The following ORC3 variants were observed in gnomAD, a reference collection of about 807,000 sequenced individuals.
ORC3 encodes the protein origin recognition complex subunit 3.
In ORC3, 78 loss-of-function variants were observed where a neutral mutation model predicts 100.7. That is an observed-to-expected ratio of 0.77 (90% CI 0.65 to 0.94). ORC3 has a LOEUF of 0.94. ORC3 is among the 40% of genes least tolerant of loss of function. The pLI, the probability that ORC3 is intolerant of heterozygous loss-of-function variation, is 0.00. For missense variants in ORC3, 789 were observed against 823.9 expected (o/e 0.96, Z 0.52); for synonymous variants, 295 against 289.3 (o/e 1.02, Z -0.20).
chr6:87,636,303 T>C (rs1767822488), intron 12 of ORC3, 104 bp from the exon 13 acceptor site: 2 of 701,226 alleles, frequency 2.9e-6, no homozygotes, highest in Non-Finnish European at 2.5e-6. Context: ...AGAAAATGAC[T>C]TTTAATAACA....
At chr6:87,620,224 C>T (rs13213285) in intron 9 of ORC3, among the ~76,000 whole-genome samples, 9,786 of 152,090 alleles carry the variant, frequency 0.064, 411 homozygotes, top group African/African-American at 0.12. Context: ...TTCTCATGTC[C>T]GAAAAGTACT....
chr6:87,626,044 T>C (rs548145724), intron 11 of ORC3, among the ~76,000 whole-genome samples: 1 of 152,340 alleles, frequency 6.6e-6, no homozygotes, highest in South Asian at 2.1e-4. Context: ...CATTGGTCCA[T>C]ATCTCTGTTT....
chr6:87,630,850 G>A (rs58305152), intron 11 of ORC3, among the ~76,000 whole-genome samples: 37,724 of 151,930 alleles, frequency 0.25, 5,223 homozygotes, highest in Admixed American at 0.37. Flanking sequence ...AGAAGAGCAA[G>A]GAGGCTGTTA....
chr6:87,619,643 T>C (rs952212364), intron 9 of ORC3, among the ~76,000 whole-genome samples: 2 of 152,108 alleles, frequency 1.3e-5, no homozygotes, highest in African/African-American at 4.8e-5. Flanking sequence ...TGACCTCCGG[T>C]GATCCACCCA....
At chr6:87,632,498 A>G (rs1327770647) in intron 11 of ORC3, among the ~76,000 whole-genome samples, 2 of 152,130 alleles carry the variant, frequency 1.3e-5, no homozygotes, top group South Asian at 2.1e-4. Context: ...ACCAACCACC[A>G]TTTCCTCAGT....
In ORC3 at chr6:87,628,835, CAG is replaced by C. The variant is rs562298045; in HGVS notation, c.1186-6009_1186-6008del. Among the ~76,000 whole-genome samples the C allele has an allele frequency of 2.6e-3, 393 of 152,062 alleles. 1 individual carries two copies. The highest frequency in any genetic ancestry group is 8.8e-3 in the African/African-American group (364 of 41,454). ...TCTTTTGTCAGACCTACAGGGCAGA[CAG>C]GGGGAAGAAAATTTCTTAGAAAAAA... is the stretch of plus-strand genomic sequence containing the variant. On this transcript the variant is annotated intron_variant, in intron 11 of 19. Coordinates refer to ENST00000392844, the MANE Select transcript of ORC3 (RefSeq NM_012381.4).
chr6:87,672,392 G>C (rs115260921), downstream of ORC3, among the ~76,000 whole-genome samples: 1,567 of 152,286 alleles, frequency 0.01, 31 homozygotes, highest in African/African-American at 0.036. Context: ...ATGCAGTAGA[G>C]AGAGGAGAGG....
intron 4 of ORC3, 97 bp from the exon 5 acceptor site, chr6:87,605,820 A>G: frequency 1.5e-6 from 1 of 655,430 alleles, no homozygotes; most frequent in South Asian, 2.0e-5. Context: ...TCATTTTTTA[A>G]ATGTTTTTAC....
chr6:87,631,115 C>G (rs1379551818), intron 11 of ORC3, among the ~76,000 whole-genome samples: 1 of 151,408 alleles, frequency 6.6e-6, no homozygotes, highest in African/African-American at 2.4e-5. Context: ...TCTTGAACCC[C>G]TGGGCTCAAG....
chr6:87,657,121 T>G, intron 15 of ORC3, 139 bp downstream of exon 15: 1 of 616,846 alleles, frequency 1.6e-6, no homozygotes, highest in Non-Finnish European at 2.9e-6. Flanking sequence ...TTTAACTCAC[T>G]TCTAAGTTGA....
intron 14 of ORC3, among the ~76,000 whole-genome samples, chr6:87,654,884 TATGCTAGAGCTAAATAAAGGA>T (rs1329293095): frequency 6.6e-6 from 1 of 152,206 alleles, no homozygotes; most frequent in Non-Finnish European, 1.5e-5. Flanking sequence ...AATTCTGTGA[TATGCTAGAGCTAAATAAAGGA>T]ATGCAGCTTT....
At chr6:87,612,316 T>C (rs1287273784) in intron 8 of ORC3, 68 bp downstream of exon 8, 1 of 1,056,064 alleles carries the variant, frequency 9.5e-7, no homozygotes, top group African/African-American at 1.6e-5. Flanking sequence ...ATTGTTAAGA[T>C]AACTGTTAAC....
At chr6:87,607,962 T>C (rs1306845585) in intron 6 of ORC3, 138 bp downstream of exon 6, 6 of 513,250 alleles carry the variant, frequency 1.2e-5, no homozygotes, top group African/African-American at 4.0e-5. Context: ...AGTAGGTATT[T>C]ATTTTTTCTA....
intron 5 of ORC3, among the ~76,000 whole-genome samples, chr6:87,607,184 A>C (rs914963089): frequency 1.3e-5 from 2 of 152,290 alleles, no homozygotes; most frequent in Admixed American, 1.3e-4. Context: ...TAATCCCAGC[A>C]CTTTGGGAGG....
At chr6:87,619,216 A>G (rs967473368) in intron 9 of ORC3, among the ~76,000 whole-genome samples, 1 of 152,238 alleles carries the variant, frequency 6.6e-6, no homozygotes, top group South Asian at 2.1e-4. Context: ...GATTCAGGAA[A>G]TAGAAACTGT....
intron 15 of ORC3, 171 bp downstream of exon 15, chr6:87,657,153 C>A: frequency 1.8e-6 from 1 of 549,628 alleles, no homozygotes; most frequent in Admixed American, 3.0e-5. Flanking sequence ...GTCCCATTGC[C>A]ATCATTACTC....
chr6:87,636,973 A>G (rs1664397570), intron 13 of ORC3, among the ~76,000 whole-genome samples: 1 of 152,198 alleles, frequency 6.6e-6, no homozygotes. Context: ...AACATTGGCT[A>G]ATTCATAAAT....
At chr6:87,657,640 T>G (rs1769821485) in intron 15 of ORC3, among the ~76,000 whole-genome samples, 1 of 152,222 alleles carries the variant, frequency 6.6e-6, no homozygotes, top group Non-Finnish European at 1.5e-5. Flanking sequence ...ATGGACTGAA[T>G]AGTGAGCACT....
intron 4 of ORC3, among the ~76,000 whole-genome samples, chr6:87,605,174 T>G (rs1778239202): frequency 6.6e-6 from 1 of 152,186 alleles, no homozygotes; most frequent in South Asian, 2.1e-4. Flanking sequence ...TTTTACTTTT[T>G]TAAAATTTTT....
Sources: gnomAD v4.1 joint callset for allele counts (sites outside exome capture counted in the v4.1 genomes callset) on GRCh38, gnomAD v4.1.1 for gene constraint, MANE v1.5 for transcripts, NCBI Gene and HGNC (gene_info 2026-07-23, HGNC 2026-07-21) for gene names.